Variants in SLC39A12 observed in about 807,000 individuals in gnomAD.
SLC39A12 encodes the protein zinc transporter ZIP12.
A neutral mutation model predicts 71.1 loss-of-function variants in SLC39A12; 63 were observed. The observed-to-expected ratio is 0.89, with a 90% CI of 0.72 to 1.09. SLC39A12 has a LOEUF of 1.09. Among genes scored for constraint, SLC39A12 ranks in the 50% least tolerant of loss-of-function variants. The pLI, the probability that SLC39A12 is intolerant of heterozygous loss-of-function variation, is 0.00. For missense variants in SLC39A12, 892 were observed against 812.6 expected, an observed-to-expected ratio of 1.10 and a Z score of -1.19; for synonymous variants, 351 against 301.3, an observed-to-expected ratio of 1.16 and a Z score of -1.71.
At chr10:17,952,692 T>C (rs1834434615) in intron 1 of SLC39A12, among the ~76,000 whole-genome samples, 1 of 152,110 alleles carries the variant, frequency 6.6e-6, no homozygotes, top group Non-Finnish European at 1.5e-5. Flanking sequence ...TGTCACCATA[T>C]TGGCCAGGCT....
chr10:18,030,769 C>T (rs1312394063), intron 12 of SLC39A12, among the ~76,000 whole-genome samples: 43 of 146,540 alleles, frequency 2.9e-4, no homozygotes, highest in African/African-American at 1.0e-3. Context: ...TTAGGTATAT[C>T]TCCCAATGCT....
intron 7 of SLC39A12, among the ~76,000 whole-genome samples, chr10:17,988,266 C>A (rs1396371369): frequency 1.3e-5 from 2 of 152,184 alleles, no homozygotes; most frequent in African/African-American, 4.8e-5. Flanking sequence ...AAAGATCGTA[C>A]CACTGCACTC....
chr10:17,967,476 T>C (rs920486488), intron 4 of SLC39A12, among the ~76,000 whole-genome samples: 1 of 152,242 alleles, frequency 6.6e-6, no homozygotes, highest in Non-Finnish European at 1.5e-5. Context: ...CACTACTTCA[T>C]CTTATTGAGG....
In SLC39A12 at chr10:17,961,639, GAGA is replaced by G. The variant is rs782682656; in HGVS notation, c.326_328del (p.Glu109del). The G allele has an allele frequency of 3.2e-5, 51 of 1,613,950 alleles. No individual in the cohort carries two copies. Among genetic ancestry groups the G allele is most frequent in the Non-Finnish European group, 4.2e-5 (50 of 1,179,982 alleles). Reference sequence around the variant, plus strand: ...GGAGGAAATTTTGAAGATCAGCTTAGAGAAGAAGTGGTCCAGAGAGTTTCTCTT... The same window carrying G: ...GGAGGAAATTTTGAAGATCAGCTTAGAGAAGTGGTCCAGAGAGTTTCTCTT... On this transcript the variant is annotated inframe_deletion, in exon 3 of 13. Coordinates refer to ENST00000377369, the MANE Select transcript of SLC39A12 (RefSeq NM_001145195.2).
chr10:18,011,207 A>T (rs1836210967), intron 12 of SLC39A12, among the ~76,000 whole-genome samples: 1 of 152,040 alleles, frequency 6.6e-6, no homozygotes, highest in African/African-American at 2.4e-5. Context: ...ATCCTGCCTC[A>T]GCCTCTGGAG....
chr10:18,011,791 C>CACA (rs1299619601), intron 12 of SLC39A12, among the ~76,000 whole-genome samples: 1 of 152,192 alleles, frequency 6.6e-6, no homozygotes, highest in Non-Finnish European at 1.5e-5. Context: ...TCTTATAACT[C>CACA]ACAGTTTTCA....
chr10:17,980,359 T>A (rs1254265152), intron 5 of SLC39A12, among the ~76,000 whole-genome samples: 1 of 152,134 alleles, frequency 6.6e-6, no homozygotes, highest in Non-Finnish European at 1.5e-5. Flanking sequence ...CTATACAGTG[T>A]GGCAAACCAA....
At chr10:18,029,877 T>G (rs1276314900) in intron 12 of SLC39A12, among the ~76,000 whole-genome samples, 1 of 151,028 alleles carries the variant, frequency 6.6e-6, no homozygotes. Context: ...CAAAATTGAC[T>G]GGCTAAAATG....
rs75527711 is a variant in SLC39A12 at position 17,958,900 on chromosome 10, A to G, written c.262-2681A>G. On this transcript the variant is annotated intron_variant, in intron 2 of 12. Coordinates refer to ENST00000377369, the MANE Select transcript of SLC39A12 (RefSeq NM_001145195.2). The stretch of plus-strand genomic sequence containing the variant: ...ATAGGCTGGAGACATTTTGTTTTTC[A>G]CACTTAAAATAATAATATAGGGTTC... Among the ~76,000 whole-genome samples, 558 of 152,216 alleles carry G rather than the reference A, an allele frequency of 3.7e-3. 4 individuals carry two copies. The highest frequency in any genetic ancestry group is 0.03 in the East Asian group (153 of 5,180).
chr10:18,010,699 G>T (rs7906425), intron 12 of SLC39A12: 1 of 151,976 alleles, frequency 6.6e-6, no homozygotes, highest in African/African-American at 2.4e-5. Flanking sequence ...TCTACTCCTC[G>T]TTCCTCTTTT....
intron 12 of SLC39A12, among the ~76,000 whole-genome samples, chr10:18,016,999 T>C (rs1836403846): frequency 6.6e-6 from 1 of 152,224 alleles, no homozygotes; most frequent in Non-Finnish European, 1.5e-5. Flanking sequence ...CTCATTCTCT[T>C]GACATTGTCT....
At chr10:17,995,208 T>C (rs1835653906) in intron 9 of SLC39A12, among the ~76,000 whole-genome samples, 1 of 152,210 alleles carries the variant, frequency 6.6e-6, no homozygotes, top group Admixed American at 6.5e-5. Flanking sequence ...AAATGAGGTG[T>C]TGAATTTGCA....
chr10:18,004,793 T>C (rs1405334159), intron 12 of SLC39A12, among the ~76,000 whole-genome samples: 2 of 152,082 alleles, frequency 1.3e-5, no homozygotes, highest in East Asian at 3.9e-4. Context: ...CATGCAGCAC[T>C]ATACACAATA....
At position 17,995,698 on chromosome 10, in the gene SLC39A12, A is replaced by G. The variant is rs775144955; in HGVS notation, c.1576A>G (p.Ser526Gly). ...ACAGGCAGCTGAAATGCCTATAGGC[A>G]GTATGACAGCCTCCAACAGAAAATG... Reference protein sequence around the residue: ...DSQAAEMPIGSMTASNRKCKA... With the variant: ...DSQAAEMPIGGMTASNRKCKA... Residue 526 changes from serine (S) to glycine (G), a missense_variant, in exon 10 of 13, where the codon AGT (serine) becomes GGT (glycine). Transcript: ENST00000377369. 2 of 1,613,128 alleles carry G rather than the reference A, an allele frequency of 1.2e-6. No homozygotes were observed. The highest frequency in any genetic ancestry group is 1.7e-5 in the Admixed American group (1 of 59,814).
At chr10:17,958,189 A>G (rs1451609171) in intron 2 of SLC39A12, among the ~76,000 whole-genome samples, 1 of 152,160 alleles carries the variant, frequency 6.6e-6, no homozygotes, top group Non-Finnish European at 1.5e-5. Context: ...CTGAGGAAGA[A>G]TGATGCATGG....
chr10:17,983,358 C>T (rs1349419837), intron 6 of SLC39A12, among the ~76,000 whole-genome samples: 1 of 151,824 alleles, frequency 6.6e-6, no homozygotes, highest in African/African-American at 2.4e-5. Context: ...CATGGTGGCA[C>T]GTACCTGTGG....
intron 11 of SLC39A12, 88 bp downstream of exon 11, chr10:18,000,913 A>G: frequency 8.0e-7 from 1 of 1,253,184 alleles, no homozygotes; most frequent in South Asian, 1.5e-5. Context: ...TTCTTTTTCT[A>G]ACCTATGACT....
At position 18,006,574 on chromosome 10, in the gene SLC39A12, A is replaced by C. The variant is rs997928173; in HGVS notation, c.1947+3216A>C. ...AAGGACCGGCAAACTGAAACAGAGA[A>C]GGAAGAAAGGTCAATACCATCTGTG... On this transcript the variant is annotated intron_variant, in intron 12 of 12. Transcript: ENST00000377369. Among the ~76,000 whole-genome samples the C allele has an allele frequency of 5.9e-5, 9 of 152,220 alleles. 1 individual carries two copies. The highest frequency in any genetic ancestry group is 3.3e-4 in the Admixed American group (5 of 15,274).
At chr10:18,004,860 G>A (rs1311198380) in intron 12 of SLC39A12, among the ~76,000 whole-genome samples, 4 of 152,254 alleles carry the variant, frequency 2.6e-5, no homozygotes, top group East Asian at 1.9e-4. Context: ...TAAAGAAAAC[G>A]TGATACATAT....
Sources: gnomAD v4.1 joint callset for allele counts (sites outside exome capture counted in the v4.1 genomes callset) on GRCh38, gnomAD v4.1.1 for gene constraint, MANE v1.5 for transcripts, NCBI Gene and HGNC (gene_info 2026-07-23, HGNC 2026-07-21) for gene names.